The following SNRNP25 variants were observed in gnomAD, a reference collection of about 807,000 sequenced individuals.
The protein encoded by SNRNP25 is U11/U12 small nuclear ribonucleoprotein 25 kDa protein.
Under a neutral mutation model 23.9 loss-of-function variants are expected in SNRNP25, and 21 were observed. That is an observed-to-expected ratio of 0.88 (90% CI 0.62 to 1.27). The LOEUF is 1.27. SNRNP25 is among the 50% of genes most tolerant of loss of function. SNRNP25 has a pLI of 0.00. For missense variants in SNRNP25, 160 were observed against 156.9 expected (o/e 1.02, Z -0.11); for synonymous variants, 63 against 60.4 (o/e 1.04, Z -0.20).
At chr16:54,704 T>C in intron 1 of SNRNP25, among the ~76,000 whole-genome samples, 1 of 152,208 alleles carries the variant, frequency 6.6e-6, no homozygotes, top group Middle Eastern at 3.2e-3. Flanking sequence ...TTTGGGACGA[T>C]ACTGTCTTTT....
Position 57,136 on chromosome 16 carries a change from A to C in SNRNP25, c.365A>C (p.Gln122Pro). 2 of 1,614,094 alleles carry C rather than the reference A, an allele frequency of 1.2e-6. No individual in the cohort carries two copies. The highest frequency in any genetic ancestry group is 1.7e-6 in the Non-Finnish European group (2 of 1,180,008). Reference sequence around the variant, plus strand: ...GTTTCCTTCATCAAAAAGCTGAGGCAAAAGTGAGCCTCCAGACAGGACAAC... The same window carrying C: ...GTTTCCTTCATCAAAAAGCTGAGGCCAAAGTGAGCCTCCAGACAGGACAAC... ...DEVSFIKKLRQK is the reference protein window; with the variant it reads ...DEVSFIKKLRPK The change falls in exon 5 of 5, where the codon CAA becomes CCA. Residue 122 changes from glutamine (Q) to proline (P), a missense_variant. By Grantham distance (76) the Gln-to-Pro change is moderately conservative. Coordinates refer to ENST00000293861, the MANE Select transcript of SNRNP25 (RefSeq NM_024571.4).
chr16:56,611 A>C lies in SNRNP25; in HGVS notation c.312A>C (p.Arg104=). Residue 104 remains arginine, a splice_region_variant and synonymous_variant, in exon 4 of 5, where the codon CGA becomes CGC. Transcript: ENST00000293861. ...TCACGGAAGACAGAAAGAAGCTCCG[A>C]GAGTAAGTGCCGGCCACGTCCTGAG... The part of the protein sequence containing the change: ...EKLTEDRKKL[R]DYGIRNRDEV... 1 of 1,613,848 alleles carries C rather than the reference A, an allele frequency of 6.2e-7. No individual in the cohort carries two copies. The highest frequency in any genetic ancestry group is 8.5e-7 in the Non-Finnish European group (1 of 1,179,994).
chr16:57,480 C>CAAAG lies in SNRNP25; in HGVS notation c.*339_*342dup, dbSNP rs776640601. ...TAGAAAGCCACAGTAACCTGGGTAG[C>CAAAG]AAAGACTGAGATTGCCCCATCACAG... On this transcript the variant is annotated 3_prime_UTR_variant, in exon 5 of 5. Transcript: ENST00000293861. The CAAAG allele has an allele frequency of 8.4e-6, 3 of 355,086 alleles. No homozygotes were observed. The highest frequency in any genetic ancestry group is 1.6e-5 in the Non-Finnish European group (3 of 189,218). 22.0% of individuals were successfully genotyped at this position (355,086 alleles called of 1,614,324 possible).
chr16:57,415 A>G lies in SNRNP25; in HGVS notation c.*272A>G. Reference sequence around the variant, plus strand: ...ACATGGCAGACCCACGGCCTGGCCCACTGTATAAAATAAACCTGTTTGCTT... The same window carrying G: ...ACATGGCAGACCCACGGCCTGGCCCGCTGTATAAAATAAACCTGTTTGCTT... On this transcript the variant is annotated 3_prime_UTR_variant, in exon 5 of 5. Coordinates refer to ENST00000293861, the MANE Select transcript of SNRNP25 (RefSeq NM_024571.4). The G allele has an allele frequency of 1.9e-6, 1 of 540,334 alleles. No homozygotes were observed. The highest frequency in any genetic ancestry group is 3.1e-5 in the Admixed American group (1 of 32,382). 33.5% of individuals were successfully genotyped at this position (540,334 alleles called of 1,614,324 possible).
At chr16:54,205 G>T in intron 1 of SNRNP25, 147 bp downstream of exon 1, 1 of 919,940 alleles carries the variant, frequency 1.1e-6, no homozygotes, top group South Asian at 1.6e-5. Flanking sequence ...TTTTAACCTT[G>T]ACCGGGCGCA....
Position 54,010 on chromosome 16 carries a change from TCTGG to T in SNRNP25, c.-4_-1del. 6.2e-7 allele frequency: 1 copy of T among 1,610,124 alleles called. No homozygotes were observed. On this transcript the variant is annotated 5_prime_UTR_variant, in exon 1 of 5. Transcript: ENST00000293861. ...AGGCCATGGACGTGTTCCAGGAGGGTCTGGCTATGGTGGTGCAGGACCCGCTGCT... is the reference window on the plus strand; with the variant it reads ...AGGCCATGGACGTGTTCCAGGAGGGTCTATGGTGGTGCAGGACCCGCTGCT...
At chr16:56,744 C>A in intron 4 of SNRNP25, 131 bp downstream of exon 4, 1 of 962,066 alleles carries the variant, frequency 1.0e-6, no homozygotes, top group Non-Finnish European at 1.6e-6. Flanking sequence ...TCCTTGGGGC[C>A]CTCCCCACTA....
intron 3 of SNRNP25, 197 bp from the exon 4 acceptor site, chr16:56,342 G>C (rs767806119): frequency 1.1e-5 from 8 of 718,524 alleles, no homozygotes; most frequent in Non-Finnish European, 2.1e-5. Flanking sequence ...TGGCCAAGCC[G>C]CCCCAGACAG....
At chr16:56,188 G>A in intron 3 of SNRNP25, 1 of 650,864 alleles carries the variant, frequency 1.5e-6, no homozygotes, top group Admixed American at 2.1e-5. Flanking sequence ...TCTGGAAGTG[G>A]CCTCCCTAGT....
chr16:54,397 G>C (rs1254587483), intron 1 of SNRNP25, among the ~76,000 whole-genome samples: 1 of 152,066 alleles, frequency 6.6e-6, no homozygotes, highest in Non-Finnish European at 1.5e-5. Context: ...CCACAGGTGC[G>C]CGCTACCACA....
Position 53,904 on chromosome 16 carries a change from C to A in SNRNP25, c.-113C>A. The A allele has an allele frequency of 1.3e-6, 2 of 1,518,242 alleles. No homozygotes were observed. The highest frequency in any genetic ancestry group is 1.2e-5 in the South Asian group (1 of 83,750). The allele number at this position is 1,518,242 out of a possible 1,614,324, so 94.0% of individuals were successfully genotyped here. A position where few individuals can be genotyped will look rare whatever the true frequency, so the allele number is the denominator to read the frequency against. The stretch of plus-strand genomic sequence containing the variant: ...GGCAGAGCCCGGCTGAGAGGGGCGG[C>A]CCTGGAGGAGACGGAGGCCGCGGGT... On this transcript the variant is annotated 5_prime_UTR_variant, in exon 1 of 5. Transcript: ENST00000293861.
chr16:54,141 G>A (rs1897377602), intron 1 of SNRNP25, 83 bp downstream of exon 1: 1 of 1,456,104 alleles, frequency 6.9e-7, no homozygotes, highest in Non-Finnish European at 9.3e-7. Flanking sequence ...CGAAGGTGCT[G>A]GTGGGAGACT....
In SNRNP25 at chr16:53,928, G is replaced by A. The variant is rs1048126345; in HGVS notation, c.-89G>A. The stretch of plus-strand genomic sequence containing the variant: ...GCCCTGGAGGAGACGGAGGCCGCGG[G>A]TGGGCCCGAGGCGCAAGAGGAAGAT... On this transcript the variant is annotated 5_prime_UTR_variant, in exon 1 of 5. It adds an upstream start codon to the 5' untranslated region. Transcript: ENST00000293861. 4 of 1,558,930 alleles carry A rather than the reference G, an allele frequency of 2.6e-6. No individual in the cohort carries two copies. In the African/African-American group the frequency reaches 5.4e-5, roughly 21 times the overall value.
intron 3 of SNRNP25, 141 bp downstream of exon 3, chr16:56,023 AG>A: frequency 1.3e-6 from 1 of 761,936 alleles, no homozygotes; most frequent in Non-Finnish European, 2.2e-6. Context: ...CCCTGTCACA[AG>A]AGTGATGAGC....
Position 57,250 on chromosome 16 carries a change from G to A in SNRNP25, c.*107G>A, listed in dbSNP as rs1052437757. On this transcript the variant is annotated 3_prime_UTR_variant, in exon 5 of 5. Transcript: ENST00000293861. ...CTTTCACAGAAAGGACGTTGTGGTGGCCTCACCCCAGGCATGCCCAACAGT... is the reference window on the plus strand; with the variant it reads ...CTTTCACAGAAAGGACGTTGTGGTGACCTCACCCCAGGCATGCCCAACAGT... 94 of 1,245,572 alleles carry A rather than the reference G, an allele frequency of 7.5e-5. No homozygotes were observed. Among genetic ancestry groups the A allele is most frequent in the Non-Finnish European group, 2.0e-5 (17 of 850,160 alleles). The allele number at this position is 1,245,572 out of a possible 1,614,324, so 77.2% of individuals were successfully genotyped here.
Position 57,358 on chromosome 16 carries a change from C to G in SNRNP25, c.*215C>G, listed in dbSNP as rs1344216294. ...CTCCTTTCATGTACTTGGCCTGAGA[C>G]TGACCTCTCCCTAGGTCCAAATGCC... On this transcript the variant is annotated 3_prime_UTR_variant, in exon 5 of 5. Transcript: ENST00000293861. The G allele has an allele frequency of 1.7e-6, 1 of 597,312 alleles. No homozygotes were observed. The highest frequency in any genetic ancestry group is 1.9e-5 in the African/African-American group (1 of 53,826). 37.0% of individuals were successfully genotyped at this position (597,312 alleles called of 1,614,324 possible). A position where few individuals can be genotyped will look rare whatever the true frequency, so the allele number is the denominator to read the frequency against.
Position 57,271 on chromosome 16 carries a change from A to C in SNRNP25, c.*128A>C. The C allele has an allele frequency of 1.0e-6, 1 of 997,434 alleles. No homozygotes were observed. The highest frequency in any genetic ancestry group is 1.6e-5 in the African/African-American group (1 of 62,292). 61.8% of individuals were successfully genotyped at this position (997,434 alleles called of 1,614,324 possible). Reference sequence around the variant, plus strand: ...GGTGGCCTCACCCCAGGCATGCCCAACAGTAACTGTCAGCATAAACCTGGG... The same window carrying C: ...GGTGGCCTCACCCCAGGCATGCCCACCAGTAACTGTCAGCATAAACCTGGG... On this transcript the variant is annotated 3_prime_UTR_variant, in exon 5 of 5. Coordinates refer to ENST00000293861, the MANE Select transcript of SNRNP25 (RefSeq NM_024571.4).
At chr16:55,741 C>T (rs1025784048) in intron 2 of SNRNP25, 36 bp from the exon 3 acceptor site, 6 of 1,609,348 alleles carry the variant, frequency 3.7e-6, no homozygotes, top group Non-Finnish European at 5.1e-6. Flanking sequence ...TGGGTTCTCA[C>T]CATGGATCTT....
rs1290207566 is a variant in SNRNP25, at chr16:57,377, A to G, written c.*234A>G. ...CTGAGACTGACCTCTCCCTAGGTCCAAATGCCCTAGTCACATGGCAGACCC... is the reference window on the plus strand; with the variant it reads ...CTGAGACTGACCTCTCCCTAGGTCCGAATGCCCTAGTCACATGGCAGACCC... On this transcript the variant is annotated 3_prime_UTR_variant, in exon 5 of 5. Coordinates refer to ENST00000293861, the MANE Select transcript of SNRNP25 (RefSeq NM_024571.4). 1.7e-6 allele frequency: 1 copy of G among 580,354 alleles called. No individual in the cohort carries two copies. Among genetic ancestry groups the G allele is most frequent in the Non-Finnish European group, 3.1e-6 (1 of 324,574 alleles). The allele number at this position is 580,354 out of a possible 1,614,324, so 36.0% of individuals were successfully genotyped here.
Sources: gnomAD v4.1 joint callset for allele counts (sites outside exome capture counted in the v4.1 genomes callset) on GRCh38, gnomAD v4.1.1 for gene constraint, MANE v1.5 for transcripts, NCBI Gene and HGNC (gene_info 2026-07-23, HGNC 2026-07-21) for gene names.